Variants in IHO1 observed in about 807,000 individuals in gnomAD.
IHO1 encodes the protein interactor of HORMAD1 protein 1.
A neutral mutation model predicts 31.0 loss-of-function variants in IHO1; 13 were observed. The ratio of observed to expected loss-of-function variants is 0.42; its 90% confidence interval spans 0.27 to 0.67. The LOEUF (loss-of-function observed/expected upper bound fraction) is 0.67, where lower values mean the gene tolerates loss of function less well. Among genes scored for constraint, IHO1 ranks in the 30% least tolerant of loss-of-function variants. The pLI, the probability that IHO1 is intolerant of heterozygous loss-of-function variation, is 0.24. For missense variants in IHO1, 599 were observed against 687.5 expected (o/e 0.87, Z 1.44); for synonymous variants, 221 against 248.4 (o/e 0.89, Z 1.04).
chr3:49,231,184 T>C lies in IHO1; in HGVS notation c.57-5364T>C, dbSNP rs368556238. Reference sequence around the variant, plus strand: ...GGAGAACTTGGATTGTTAAATTACATGGATATGATCTTGGAAAAATTATTG... The same window carrying C: ...GGAGAACTTGGATTGTTAAATTACACGGATATGATCTTGGAAAAATTATTG... On this transcript the variant is annotated intron_variant, in intron 2 of 7. Transcript: ENST00000452691. Among the ~76,000 whole-genome samples, 18 of 152,348 alleles carry C rather than the reference T, an allele frequency of 1.2e-4. No individual in the cohort carries two copies. In the East Asian group the frequency reaches 2.5e-3, roughly 21 times the overall value.
chr3:49,200,348 C>G (rs868770456), intron 1 of IHO1, among the ~76,000 whole-genome samples: 1 of 151,362 alleles, frequency 6.6e-6, no homozygotes, highest in Non-Finnish European at 1.5e-5. Context: ...GCCTGTAATC[C>G]CAGCTACTTG....
chr3:49,249,659 A>G (rs150199984), intron 6 of IHO1, among the ~76,000 whole-genome samples: 2 of 152,366 alleles, frequency 1.3e-5, no homozygotes, highest in African/African-American at 4.8e-5. Flanking sequence ...ATCTATATGA[A>G]TATGGTAGAA....
chr3:49,226,909 C>T (rs1263610277), intron 2 of IHO1, among the ~76,000 whole-genome samples: 1 of 152,148 alleles, frequency 6.6e-6, no homozygotes, highest in Non-Finnish European at 1.5e-5. Context: ...CCTCCCCCTA[C>T]AGCTTGAAGG....
chr3:49,239,725 C>T (rs1333198711), intron 3 of IHO1, among the ~76,000 whole-genome samples: 2 of 146,692 alleles, frequency 1.4e-5, no homozygotes, highest in Non-Finnish European at 3.0e-5. Context: ...TGCAATGGTA[C>T]GATCTCGGCT....
chr3:49,244,496 TAAG>T (rs765860445), intron 5 of IHO1, 44 bp downstream of exon 5: 3 of 1,380,068 alleles, frequency 2.2e-6, no homozygotes, highest in Non-Finnish European at 3.0e-6. Flanking sequence ...TCTTATATTT[TAAG>T]AAGTTTAATA....
At chr3:49,202,887 G>A (rs1190742606) in intron 1 of IHO1, among the ~76,000 whole-genome samples, 4 of 124,844 alleles carry the variant, frequency 3.2e-5, no homozygotes, top group Admixed American at 1.1e-4. Context: ...ACGGAGTCTC[G>A]CTCTGTCGCC....
chr3:49,246,179 C>CA (rs71278650), intron 6 of IHO1, among the ~76,000 whole-genome samples: 4,779 of 46,454 alleles, frequency 0.1, 261 homozygotes, highest in African/African-American at 0.22. Flanking sequence ...GAGACTCCGT[C>CA]AAAAAAAAAA....
intron 1 of IHO1, among the ~76,000 whole-genome samples, chr3:49,205,040 A>AG (rs1173920808): frequency 6.6e-6 from 1 of 151,912 alleles, no homozygotes; most frequent in Non-Finnish European, 1.5e-5. Flanking sequence ...AAAAAAAAAA[A>AG]GAACGAAAGG....
chr3:49,222,214 G>T lies in IHO1; in HGVS notation c.56+10378G>T, dbSNP rs138263490. ...TAGCTGTTCCTAACCCTATAAGTAG[G>T]GGTATTAGTTGTATGGCTCTGCGCT... is the stretch of plus-strand genomic sequence containing the variant. On this transcript the variant is annotated intron_variant, in intron 2 of 7. Coordinates refer to ENST00000452691, the MANE Select transcript of IHO1 (RefSeq NM_001135197.2). 5.8e-3 allele frequency among the ~76,000 whole-genome samples: 890 copies of T among 152,284 alleles called. 9 individuals are homozygous for T. The highest frequency in any genetic ancestry group is 0.02 in the African/African-American group (848 of 41,538).
At chr3:49,194,450 C>T (rs1463894512), upstream of IHO1, among the ~76,000 whole-genome samples, 1 of 146,086 alleles carries the variant, frequency 6.8e-6, no homozygotes, top group Non-Finnish European at 1.5e-5. Flanking sequence ...ACTACAGGTG[C>T]CCACCACCCC....
chr3:49,240,212 A>G (rs2046614606), intron 3 of IHO1, among the ~76,000 whole-genome samples: 1 of 151,122 alleles, frequency 6.6e-6, no homozygotes, highest in South Asian at 2.1e-4. Flanking sequence ...CGCCCAGCTA[A>G]TTTTTGTTTT....
chr3:49,213,466 C>T (rs2046247357), intron 2 of IHO1, among the ~76,000 whole-genome samples: 1 of 152,270 alleles, frequency 6.6e-6, no homozygotes, highest in Non-Finnish European at 1.5e-5. Flanking sequence ...AGGAGCCCAG[C>T]TGGCTTCACC....
At chr3:49,247,618 G>T (rs931947421) in intron 6 of IHO1, among the ~76,000 whole-genome samples, 9 of 151,456 alleles carry the variant, frequency 5.9e-5, no homozygotes, top group African/African-American at 2.2e-4. Context: ...AGGAGACTTT[G>T]TGTCTACAAA....
At chr3:49,199,410 T>G (rs1575559806), upstream of IHO1, 1 of 152,070 alleles carries the variant, frequency 6.6e-6, no homozygotes, top group African/African-American at 2.4e-5. Context: ...AACCGTTAGC[T>G]GCCTGTCGTG....
At chr3:49,227,487 G>A (rs1575576356) in intron 2 of IHO1, among the ~76,000 whole-genome samples, 1 of 152,176 alleles carries the variant, frequency 6.6e-6, no homozygotes, top group Non-Finnish European at 1.5e-5. Context: ...CGACGCAGCA[G>A]CAGAAACAGT....
Position 49,257,467 on chromosome 3 carries a change from A to AAG in IHO1, c.*186_*187dup, listed in dbSNP as rs1477833877. ...CTGGGTACCAGGTGCTGCCCCTGAC[A>AAG]AGGATTAAGTGCATCCTTATTTATT... On this transcript the variant is annotated 3_prime_UTR_variant, in exon 8 of 8. Transcript: ENST00000452691. 1 of 619,654 alleles carries AAG rather than the reference A, an allele frequency of 1.6e-6. No homozygotes were observed. Among genetic ancestry groups the AAG allele is most frequent in the East Asian group, 2.7e-5 (1 of 37,662 alleles). 38.4% of individuals were successfully genotyped at this position (619,654 alleles called of 1,614,324 possible). A position where few individuals can be genotyped will look rare whatever the true frequency, so the allele number is the denominator to read the frequency against.
chr3:49,207,269 C>T (rs1374341676), intron 1 of IHO1, among the ~76,000 whole-genome samples: 5 of 144,838 alleles, frequency 3.5e-5, no homozygotes, highest in African/African-American at 7.6e-5. Flanking sequence ...TTTTTTGAGA[C>T]GGAGTCTCAC....
intron 2 of IHO1, among the ~76,000 whole-genome samples, chr3:49,221,779 T>TA (rs1370743870): frequency 6.6e-6 from 1 of 152,178 alleles, no homozygotes; most frequent in Non-Finnish European, 1.5e-5. Context: ...ACAAGGATGT[T>TA]AAAACACAGG....
chr3:49,211,719 A>G (rs2107686815), intron 1 of IHO1, 47 bp from the exon 2 acceptor site: 2 of 936,946 alleles, frequency 2.1e-6, no homozygotes, highest in East Asian at 5.1e-5. Context: ...TCTTTGGAAA[A>G]AATTATACTG....
Sources: allele counts gnomAD v4.1 joint callset (sites outside exome capture counted in the v4.1 genomes callset), GRCh38; gene constraint gnomAD v4.1.1; transcripts MANE v1.5; gene names NCBI Gene and HGNC (gene_info 2026-07-23, HGNC 2026-07-21).